The following FNIP2 variants were observed in gnomAD, a reference collection of about 807,000 sequenced individuals.
FNIP2 encodes folliculin-interacting protein 2.
In FNIP2, 32 loss-of-function variants were observed where a neutral mutation model predicts 108.7. The ratio of observed to expected loss-of-function variants is 0.29; its 90% CI spans 0.22 to 0.40. The LOEUF (loss-of-function observed/expected upper bound fraction) is 0.40. FNIP2 is among the 10% of genes least tolerant of loss of function. The pLI, the probability that FNIP2 is intolerant of heterozygous loss-of-function variation, is 1.00. For synonymous variants in FNIP2, 480 were observed against 496.7 expected (o/e 0.97, Z 0.45); for missense variants, 1,202 against 1,381.6 (o/e 0.87, Z 2.06).
chr4:158,889,707 G>A, intron 14 of FNIP2: 1 of 481,406 alleles, frequency 2.1e-6, no homozygotes, highest in Non-Finnish European at 2.7e-6. Flanking sequence ...ATATAGATCT[G>A]TCCCGTGGCA....
rs921795231 is a variant in FNIP2, at chr4:158,905,380, T to G, written c.*836T>G. On this transcript the variant is annotated 3_prime_UTR_variant, in exon 17 of 17. Transcript: ENST00000264433. ...TTTAAGAGAGGCCACTTACCAAAGTTATTTCTATAAGCTCAAGAGTGTTTC... is the reference window on the plus strand; with the variant it reads ...TTTAAGAGAGGCCACTTACCAAAGTGATTTCTATAAGCTCAAGAGTGTTTC... 2.8e-4 allele frequency: 43 copies of G among 152,216 alleles called. No homozygotes were observed. The highest frequency in any genetic ancestry group is 1.0e-3 in the African/African-American group (42 of 41,456). 9.4% of individuals were successfully genotyped at this position (152,216 alleles called of 1,614,324 possible).
chr4:158,886,125 T>C lies in FNIP2; in HGVS notation c.2950-5321T>C, dbSNP rs1188928700. On this transcript the variant is annotated intron_variant, in intron 14 of 16. Coordinates refer to ENST00000264433, the MANE Select transcript of FNIP2 (RefSeq NM_020840.3). Reference sequence around the variant, plus strand: ...AGCTGTAATAGCAAAGAAAACTCAATAATCTTCTAAAGATTTATAAAACAA... The same window carrying C: ...AGCTGTAATAGCAAAGAAAACTCAACAATCTTCTAAAGATTTATAAAACAA... Among the ~76,000 whole-genome samples the C allele has an allele frequency of 2.6e-5, 4 of 152,248 alleles. No homozygotes were observed. The East Asian group carries it at 7.7e-4, about 29-fold the overall frequency.
rs1406620219 is a variant in FNIP2 at position 158,782,456 on chromosome 4, C to T, written c.107+13137C>T. Among the ~76,000 whole-genome samples, 3 of 152,042 alleles carry T rather than the reference C, an allele frequency of 2.0e-5. No homozygotes were observed. In the East Asian group the frequency reaches 5.8e-4, roughly 29 times the overall value. Reference sequence around the variant, plus strand: ...CCTCCAGCCTATGGCAAAATCTGTACTTGGTAAACCTACCAGATACATAAC... The same window carrying T: ...CCTCCAGCCTATGGCAAAATCTGTATTTGGTAAACCTACCAGATACATAAC... On this transcript the variant is annotated intron_variant, in intron 1 of 16. Transcript: ENST00000264433.
chr4:158,887,998 G>C (rs1053014978), intron 14 of FNIP2, among the ~76,000 whole-genome samples: 1 of 152,170 alleles, frequency 6.6e-6, no homozygotes, highest in Non-Finnish European at 1.5e-5. Context: ...CTCTGACCCT[G>C]TGCAAGTTCA....
chr4:158,891,344 C>A, intron 14 of FNIP2, 102 bp from the exon 15 acceptor site: 1 of 1,083,164 alleles, frequency 9.2e-7, no homozygotes. Context: ...AACTGCCTGG[C>A]TGTCAAGAAT....
intron 16 of FNIP2, among the ~76,000 whole-genome samples, chr4:158,897,260 G>A (rs986950261): frequency 6.6e-6 from 1 of 152,148 alleles, no homozygotes; most frequent in Non-Finnish European, 1.5e-5. Context: ...ATTTCGGTTG[G>A]TTCCAAGTCT....
At chr4:158,803,838 G>A (rs1776844853) in intron 1 of FNIP2, among the ~76,000 whole-genome samples, 1 of 152,220 alleles carries the variant, frequency 6.6e-6, no homozygotes, top group African/African-American at 2.4e-5. Flanking sequence ...AGGGAGAAAT[G>A]GAGTGTGAGT....
At chr4:158,861,300 A>G (rs1406406313) in intron 10 of FNIP2, 42 bp from the exon 11 acceptor site, 5 of 1,578,218 alleles carry the variant, frequency 3.2e-6, no homozygotes, top group South Asian at 2.3e-5. Context: ...CCAAAATAGT[A>G]TTTCTGACAC....
At chr4:158,885,216 A>C (rs932124944) in intron 14 of FNIP2, among the ~76,000 whole-genome samples, 1 of 152,030 alleles carries the variant, frequency 6.6e-6, no homozygotes, top group African/African-American at 2.4e-5. Context: ...GCATGGGGGA[A>C]ATTGCCCCAT....
intron 1 of FNIP2, among the ~76,000 whole-genome samples, chr4:158,801,219 G>C (rs1442543625): frequency 6.6e-6 from 1 of 152,110 alleles, no homozygotes; most frequent in East Asian, 1.9e-4. Flanking sequence ...CGGTGTGCTT[G>C]GCTTCTGCAC....
chr4:158,789,779 G>A (rs994243729), intron 1 of FNIP2, among the ~76,000 whole-genome samples: 4 of 151,314 alleles, frequency 2.6e-5, no homozygotes, highest in African/African-American at 4.9e-5. Flanking sequence ...TAGTTTCTGA[G>A]TAAACGCAAT....
intron 14 of FNIP2, among the ~76,000 whole-genome samples, chr4:158,877,753 CTG>C (rs1017299807): frequency 6.6e-6 from 1 of 152,128 alleles, no homozygotes; most frequent in Non-Finnish European, 1.5e-5. Context: ...GTGCTTGGTA[CTG>C]TGTTTATAGC....
Position 158,875,541 on chromosome 4 carries a change from T to TATATATATGC in FNIP2, c.2949+5072_2949+5073insATATATATGC, listed in dbSNP as rs1553964269. ...ATATATATATATATATATATATATA[T>TATATATATGC]GCTCATGAATACCTAATTAGTCCAT... On this transcript the variant is annotated intron_variant, in intron 14 of 16. Transcript: ENST00000264433. Among the ~76,000 whole-genome samples the TATATATATGC allele has an allele frequency of 4.2e-5, 6 of 141,436 alleles. 1 individual carries two copies. The highest frequency in any genetic ancestry group is 1.7e-4 in the African/African-American group (6 of 34,924). The allele number at this position is 141,436 out of a possible 152,430, so 92.8% of individuals were successfully genotyped here. A position where few individuals can be genotyped will look rare whatever the true frequency, so the allele number is the denominator to read the frequency against.
At chr4:158,876,534 T>C (rs1271985107) in intron 14 of FNIP2, among the ~76,000 whole-genome samples, 2 of 152,254 alleles carry the variant, frequency 1.3e-5, no homozygotes, top group Non-Finnish European at 2.9e-5. Flanking sequence ...CAAACTTTTT[T>C]ACATTTTTGA....
chr4:158,885,537 T>C (rs1369881319), intron 14 of FNIP2, among the ~76,000 whole-genome samples: 2 of 152,174 alleles, frequency 1.3e-5, no homozygotes, highest in Non-Finnish European at 2.9e-5. Context: ...AGTTGCACTA[T>C]TTGTGAGCTC....
rs549562654 is a variant in FNIP2 at position 158,883,077 on chromosome 4, AT to A, written c.2950-8368del. Among the ~76,000 whole-genome samples, 39 of 152,144 alleles carry A rather than the reference AT, an allele frequency of 2.6e-4. No individual in the cohort carries two copies. The East Asian group carries it at 6.8e-3, about 26-fold the overall frequency. ...TACAAGAAGCTATCACCCAAAAAAA[AT>A]AAAATAAATAAATAAAATCAAGCTA... On this transcript the variant is annotated intron_variant, in intron 14 of 16. Transcript: ENST00000264433.
intron 7 of FNIP2, among the ~76,000 whole-genome samples, chr4:158,849,130 C>T (rs879364196): frequency 5.3e-5 from 8 of 152,022 alleles, no homozygotes; most frequent in Non-Finnish European, 1.0e-4. Flanking sequence ...TAAAGTAGGC[C>T]TAAGAATTTC....
rs1011741593 is a variant in FNIP2, at chr4:158,879,585, G to A, written c.2949+9116G>A. ...TTTCAGTAAAACTGCTGTCAGGAAT[G>A]TCTACTCAACATGGGATCTAATTAA... is the stretch of plus-strand genomic sequence containing the variant. On this transcript the variant is annotated intron_variant, in intron 14 of 16. Transcript: ENST00000264433. 2.7e-5 allele frequency among the ~76,000 whole-genome samples: 4 copies of A among 150,370 alleles called. 1 individual carries two copies. Among genetic ancestry groups the A allele is most frequent in the Non-Finnish European group, 4.4e-5 (3 of 67,796 alleles).
At chr4:158,825,465 G>A (rs564285470) in intron 1 of FNIP2, among the ~76,000 whole-genome samples, 18 of 152,288 alleles carry the variant, frequency 1.2e-4, no homozygotes, top group African/African-American at 4.1e-4. Context: ...GTGTGGGTGA[G>A]GGAAAGAAGA....
Sources: allele counts gnomAD v4.1 joint callset (sites outside exome capture counted in the v4.1 genomes callset), GRCh38; gene constraint gnomAD v4.1.1; transcripts MANE v1.5; gene names NCBI Gene and HGNC (gene_info 2026-07-23, HGNC 2026-07-21).